Variants in R3HDM1 observed in about 807,000 individuals in gnomAD.
The protein encoded by R3HDM1 is R3H domain containing 1.
A neutral mutation model predicts 141.1 loss-of-function variants in R3HDM1; 46 were observed. That is an observed-to-expected ratio of 0.33 (90% CI 0.26 to 0.42). R3HDM1 has a LOEUF of 0.42. R3HDM1 is among the 10% of genes least tolerant of loss of function. The probability of loss-of-function intolerance (pLI) is 1.00; values close to 1 mark genes in which losing one functional copy is unlikely to be tolerated. For synonymous variants in R3HDM1, 435 were observed against 472.9 expected, an observed-to-expected ratio of 0.92 and a Z score of 1.04; for missense variants, 1,184 against 1,368.3, an observed-to-expected ratio of 0.87 and a Z score of 2.12.
At chr2:135,715,294 C>G (rs1432284688) in intron 23 of R3HDM1, among the ~76,000 whole-genome samples, 1 of 151,992 alleles carries the variant, frequency 6.6e-6, no homozygotes, top group Non-Finnish European at 1.5e-5. Flanking sequence ...ATGGCGTGAA[C>G]CTGGGAGGCA....
At chr2:135,687,198 A>T (rs2071497770) in intron 21 of R3HDM1, among the ~76,000 whole-genome samples, 1 of 152,246 alleles carries the variant, frequency 6.6e-6, no homozygotes, top group Non-Finnish European at 1.5e-5. Flanking sequence ...CTGTCTCAAA[A>T]ATACAGAAAA....
At chr2:135,698,250 C>T (rs1177541298) in intron 21 of R3HDM1, among the ~76,000 whole-genome samples, 2 of 151,138 alleles carry the variant, frequency 1.3e-5, no homozygotes, top group African/African-American at 2.4e-5. Context: ...AGCTCCGCCT[C>T]CCGGGTTCAC....
chr2:135,533,788 A>G (rs1695458693), intron 1 of R3HDM1, among the ~76,000 whole-genome samples: 1 of 152,206 alleles, frequency 6.6e-6, no homozygotes. Context: ...CTGAGACAGG[A>G]GAATCGCTTG....
chr2:135,683,327 G>A (rs537635790), intron 21 of R3HDM1, among the ~76,000 whole-genome samples: 53 of 152,226 alleles, frequency 3.5e-4, no homozygotes, highest in Admixed American at 1.2e-3. Flanking sequence ...GCCAAGGCAG[G>A]CAGATCACTT....
chr2:135,571,815 G>A (rs886348381), intron 1 of R3HDM1, among the ~76,000 whole-genome samples: 2 of 151,960 alleles, frequency 1.3e-5, no homozygotes, highest in Non-Finnish European at 1.5e-5. Flanking sequence ...TTGTAGAGAC[G>A]GGGTTTCACC....
At chr2:135,597,767 T>C (rs1255461996) in intron 1 of R3HDM1, among the ~76,000 whole-genome samples, 1 of 152,172 alleles carries the variant, frequency 6.6e-6, no homozygotes, top group Non-Finnish European at 1.5e-5. Context: ...CCTAAATATT[T>C]TTGTGAAGAA....
rs756110710 is a variant in R3HDM1, at chr2:135,724,180, C to T, written c.3293C>T (p.Ser1098Leu). Residue 1098 changes from serine (S) to leucine (L), a missense_variant, in exon 27 of 27, where the codon TCA becomes TTA. This residue lies in a region of R3HDM1 where 182 missense variants were observed against 252.6 expected (regional missense o/e 0.72). Transcript: ENST00000683871. ...YTVLATFPSISAAQNALKKQI... is the reference protein window; with the variant it reads ...YTVLATFPSILAAQNALKKQI... ...GTCTTAGCCACATTCCCCTCCATTT[C>T]AGCTGCACAGAATGCACTGAAGAAA... 2 of 1,613,896 alleles carry T rather than the reference C, an allele frequency of 1.2e-6. No individual in the cohort carries two copies. Among genetic ancestry groups the T allele is most frequent in the African/African-American group, 1.3e-5 (1 of 74,912 alleles).
intron 1 of R3HDM1, among the ~76,000 whole-genome samples, chr2:135,582,153 C>T (rs988227567): frequency 1.3e-5 from 2 of 152,054 alleles, no homozygotes; most frequent in Non-Finnish European, 2.9e-5. Flanking sequence ...CATGGTGAAA[C>T]CCCGTTTCTA....
At chr2:135,659,888 T>A (rs1343692176) in intron 18 of R3HDM1, among the ~76,000 whole-genome samples, 1 of 152,218 alleles carries the variant, frequency 6.6e-6, no homozygotes, top group Non-Finnish European at 1.5e-5. Context: ...GACATGTGAG[T>A]GATGTATTGT....
intron 7 of R3HDM1, among the ~76,000 whole-genome samples, chr2:135,625,642 A>G (rs1424385340): frequency 2.2e-4 from 34 of 152,150 alleles, no homozygotes; most frequent in Admixed American, 2.2e-3. Flanking sequence ...TAGGCGGGTC[A>G]CTGGAAGGAC....
intron 9 of R3HDM1, among the ~76,000 whole-genome samples, chr2:135,635,226 A>C (rs970361301): frequency 7.2e-5 from 11 of 152,210 alleles, no homozygotes; most frequent in Non-Finnish European, 1.5e-4. Flanking sequence ...GAATGACAAA[A>C]TATTTTATTA....
At chr2:135,603,591 C>G (rs897626062) in intron 2 of R3HDM1, among the ~76,000 whole-genome samples, 1 of 151,878 alleles carries the variant, frequency 6.6e-6, no homozygotes, top group African/African-American at 2.4e-5. Context: ...ATATAAAGTT[C>G]TGCCATTATT....
At chr2:135,629,732 G>A (rs2062443696) in intron 7 of R3HDM1, among the ~76,000 whole-genome samples, 1 of 152,170 alleles carries the variant, frequency 6.6e-6, no homozygotes, top group Admixed American at 6.5e-5. Context: ...CAGGAGATGA[G>A]GCTGGAGCTG....
intron 16 of R3HDM1, among the ~76,000 whole-genome samples, chr2:135,648,737 A>T (rs1383909101): frequency 6.6e-6 from 1 of 151,636 alleles, no homozygotes; most frequent in Non-Finnish European, 1.5e-5. Flanking sequence ...TTTGTGGATG[A>T]CCAGCTGTAT....
intron 1 of R3HDM1, among the ~76,000 whole-genome samples, chr2:135,548,305 T>A (rs532830377): frequency 1.3e-5 from 2 of 152,342 alleles, no homozygotes; most frequent in East Asian, 3.9e-4. Flanking sequence ...TTCTGCCATA[T>A]TAATCCATGT....
rs147025016 is a variant in R3HDM1, at chr2:135,720,532, T to A, written c.2882-1392T>A. On this transcript the variant is annotated intron_variant, in intron 24 of 26. Transcript: ENST00000683871. ...TTTTGCAGTCAGCATTTATTAAGCC[T>A]TTGCCGTGTGATGACTTCAGGCTTT... Among the ~76,000 whole-genome samples, 129 of 152,350 alleles carry A rather than the reference T, an allele frequency of 8.5e-4. 1 individual carries two copies. Among genetic ancestry groups the A allele is most frequent in the Admixed American group, 1.4e-3 (22 of 15,298 alleles).
At chr2:135,547,350 AGAG>A (rs1212784859) in intron 1 of R3HDM1, among the ~76,000 whole-genome samples, 6 of 152,204 alleles carry the variant, frequency 3.9e-5, no homozygotes, top group Non-Finnish European at 7.3e-5. Flanking sequence ...AGTTACTTGA[AGAG>A]AATGTTTCTA....
chr2:135,568,044 G>T (rs1164648364), intron 1 of R3HDM1, among the ~76,000 whole-genome samples: 1 of 140,660 alleles, frequency 7.1e-6, no homozygotes, highest in Non-Finnish European at 1.5e-5. Context: ...GAGCCACCAT[G>T]CCTGGCCACA....
At chr2:135,715,486 G>T (rs2076077930) in intron 23 of R3HDM1, 64 bp from the exon 24 acceptor site, 1 of 1,529,940 alleles carries the variant, frequency 6.5e-7, no homozygotes, top group African/African-American at 1.4e-5. Flanking sequence ...TATGTAATCA[G>T]GAAGAATAAA....
Sources: gnomAD v4.1 joint callset for allele counts (sites outside exome capture counted in the v4.1 genomes callset) on GRCh38, gnomAD v4.1.1 for gene constraint, gnomAD v4.1.1 regional missense constraint, MANE v1.5 for transcripts, NCBI Gene and HGNC (gene_info 2026-07-23, HGNC 2026-07-21) for gene names.